Variants in DCC observed in about 807,000 individuals in gnomAD.
The protein encoded by DCC is DCC netrin 1 receptor, also known as netrin receptor DCC.
Under a neutral mutation model 172.5 loss-of-function variants are expected in DCC, and 58 were observed. The observed-to-expected ratio is 0.34, with a 90% CI of 0.27 to 0.42. DCC has a LOEUF of 0.42. DCC is among the 10% of genes least tolerant of loss of function. The pLI is 1.00. For missense variants in DCC, 1,740 were observed against 1,791.0 expected, an observed-to-expected ratio of 0.97 and a Z score of 0.51; for synonymous variants, 709 against 644.5, an observed-to-expected ratio of 1.10 and a Z score of -1.52.
intron 1 of DCC, among the ~76,000 whole-genome samples, chr18:52,724,480 C>T (rs2036522735): frequency 6.6e-6 from 1 of 152,034 alleles, no homozygotes; most frequent in South Asian, 2.1e-4. Context: ...TTCTCAATAG[C>T]CAGTTTTATC....
At chr18:53,272,540 G>T (rs1408366177) in intron 12 of DCC, among the ~76,000 whole-genome samples, 1 of 152,100 alleles carries the variant, frequency 6.6e-6, no homozygotes, top group African/African-American at 2.4e-5. Context: ...GTATGAATTG[G>T]TAATGGATCT....
intron 2 of DCC, among the ~76,000 whole-genome samples, chr18:52,890,427 G>A (rs2039631447): frequency 6.6e-6 from 1 of 152,096 alleles, no homozygotes; most frequent in South Asian, 2.1e-4. Flanking sequence ...TAGGAAACAA[G>A]AATTCCTAGT....
chr18:52,749,291 C>T (rs2036959067), intron 1 of DCC, among the ~76,000 whole-genome samples: 1 of 152,188 alleles, frequency 6.6e-6, no homozygotes, highest in African/African-American at 2.4e-5. Flanking sequence ...AGACTCCATT[C>T]AGAACCAGCA....
At chr18:53,387,980 A>G (rs1336859629) in intron 16 of DCC, among the ~76,000 whole-genome samples, 3 of 152,226 alleles carry the variant, frequency 2.0e-5, no homozygotes, top group African/African-American at 4.8e-5. Flanking sequence ...GAACCACTGG[A>G]GTCATTATCA....
At chr18:52,558,791 G>C (rs1229958322) in intron 1 of DCC, among the ~76,000 whole-genome samples, 3 of 152,114 alleles carry the variant, frequency 2.0e-5, no homozygotes, top group Non-Finnish European at 4.4e-5. Context: ...ATCTGAGATG[G>C]AAAAGGCATT....
intron 21 of DCC, among the ~76,000 whole-genome samples, chr18:53,417,373 T>A (rs1910376339): frequency 1.3e-5 from 2 of 152,280 alleles, no homozygotes; most frequent in South Asian, 4.1e-4. Flanking sequence ...AGGGTTAAGG[T>A]TTTCATTAAT....
chr18:52,441,618 CAG>C lies in DCC; in HGVS notation c.91+100743_91+100744del, dbSNP rs998712610. 8.5e-5 allele frequency among the ~76,000 whole-genome samples: 13 copies of C among 152,232 alleles called. No individual in the cohort carries two copies. The East Asian group carries it at 1.9e-3, about 23-fold the overall frequency. On this transcript the variant is annotated intron_variant, in intron 1 of 28. Transcript: ENST00000442544. ...AGCATTTTCATCTTCTTCAGCCTGA[CAG>C]AGTCATTTTGGGAAATTTGTGTCTA...
rs113633472 is a variant in DCC at position 52,787,257 on chromosome 18, T to C, written c.412+34883T>C. Among the ~76,000 whole-genome samples the C allele has an allele frequency of 7.9e-5, 12 of 152,292 alleles. No homozygotes were observed. The East Asian group carries it at 2.1e-3, about 27-fold the overall frequency. On this transcript the variant is annotated intron_variant, in intron 2 of 28. Transcript: ENST00000442544. ...AGTTCTTCATAAGTCCCATACATTC[T>C]TTCTCTATTCCAATGTTACAATCTT...
intron 7 of DCC, among the ~76,000 whole-genome samples, chr18:53,084,065 A>C (rs1033898652): frequency 1.3e-5 from 2 of 152,160 alleles, no homozygotes; most frequent in Admixed American, 6.5e-5. Flanking sequence ...ATTTATTTTT[A>C]AAAAGGAATT....
intron 1 of DCC, among the ~76,000 whole-genome samples, chr18:52,407,701 A>T (rs1053422106): frequency 6.6e-6 from 1 of 152,080 alleles, no homozygotes; most frequent in Non-Finnish European, 1.5e-5. Context: ...GAAGAAATGA[A>T]TGAATGAATG....
intron 13 of DCC, among the ~76,000 whole-genome samples, chr18:53,317,250 T>A (rs1599018314): frequency 6.6e-6 from 1 of 152,196 alleles, no homozygotes; most frequent in East Asian, 1.9e-4. Flanking sequence ...ATTGAGATAA[T>A]CATATGGTTC....
intron 1 of DCC, among the ~76,000 whole-genome samples, chr18:52,685,947 T>C (rs1555647805): frequency 6.6e-6 from 1 of 152,074 alleles, no homozygotes; most frequent in Non-Finnish European, 1.5e-5. Flanking sequence ...ATCCAAGCCT[T>C]CTCCTCAAGG....
chr18:53,348,793 G>T lies in DCC; in HGVS notation c.2359+8886G>T, dbSNP rs967520678. On this transcript the variant is annotated intron_variant, in intron 15 of 28. Coordinates refer to ENST00000442544, the MANE Select transcript of DCC (RefSeq NM_005215.4). The stretch of plus-strand genomic sequence containing the variant: ...CATTGGCACCTTTCAGTCATGGCAG[G>T]AGTGGCTGGAACACAAGGCACCAAG... Among the ~76,000 whole-genome samples the T allele has an allele frequency of 3.3e-5, 5 of 152,102 alleles. No homozygotes were observed. In the South Asian group the frequency reaches 1.0e-3, roughly 32 times the overall value.
chr18:52,438,034 A>G, intron 1 of DCC, among the ~76,000 whole-genome samples: 1 of 152,226 alleles, frequency 6.6e-6, no homozygotes, highest in East Asian at 1.9e-4. Context: ...GAAGGCTTTC[A>G]GGTAGAACAG....
intron 1 of DCC, among the ~76,000 whole-genome samples, chr18:52,495,736 A>AT (rs1203485072): frequency 1.3e-5 from 2 of 151,020 alleles, no homozygotes; most frequent in African/African-American, 2.4e-5. Flanking sequence ...TTCTGGCTGC[A>AT]TTTTTTATTT....
chr18:53,451,354 A>G (rs1476208791), intron 23 of DCC, among the ~76,000 whole-genome samples: 2 of 152,228 alleles, frequency 1.3e-5, no homozygotes, highest in Non-Finnish European at 2.9e-5. Flanking sequence ...TATTCAGCCT[A>G]TATCCTTGCA....
chr18:52,765,023 C>CTTTTTTTTTTTTTTTTTTTT (rs963400763), intron 2 of DCC, among the ~76,000 whole-genome samples: 2 of 142,442 alleles, frequency 1.4e-5, no homozygotes, highest in East Asian at 4.0e-4. Flanking sequence ...ATTTTCTTTT[C>CTTTTTTTTTTTTTTTTTTTT]TTTTTTTTCT....
intron 1 of DCC, among the ~76,000 whole-genome samples, chr18:52,419,998 C>T (rs886528080): frequency 6.6e-6 from 1 of 152,104 alleles, no homozygotes; most frequent in African/African-American, 2.4e-5. Context: ...TTTCTAATGT[C>T]CCCTCCTTGG....
chr18:52,417,515 G>A (rs1021049796), intron 1 of DCC, among the ~76,000 whole-genome samples: 1 of 152,154 alleles, frequency 6.6e-6, no homozygotes, highest in African/African-American at 2.4e-5. Context: ...GCACCAATCA[G>A]ACATAGATTT....
Sources: gnomAD v4.1 joint callset for allele counts (sites outside exome capture counted in the v4.1 genomes callset) on GRCh38, gnomAD v4.1.1 for gene constraint, MANE v1.5 for transcripts, NCBI Gene and HGNC (gene_info 2026-07-23, HGNC 2026-07-21) for gene names.